SPNS3: variants seen among roughly 807,000 people sequenced by gnomAD.
The protein encoded by SPNS3 is SPNS lysolipid transporter 3, sphingosine-1-phosphate (putative), also known as protein spinster homolog 3.
In SPNS3, 51 loss-of-function variants were observed where a neutral mutation model predicts 54.4. The ratio of observed to expected loss-of-function variants is 0.94; its 90% CI spans 0.75 to 1.18. SPNS3 has a LOEUF of 1.18. Ranked by LOEUF, SPNS3 falls within the 50% of genes most tolerant of loss-of-function variation. SPNS3 has a pLI of 0.00. For missense variants in SPNS3, 669 were observed against 677.4 expected (o/e 0.99, Z 0.14); for synonymous variants, 309 against 294.7 (o/e 1.05, Z -0.50).
At chr17:4,440,590 G>C (rs538880758) in intron 2 of SPNS3, among the ~76,000 whole-genome samples, 1 of 152,236 alleles carries the variant, frequency 6.6e-6, no homozygotes, top group East Asian at 1.9e-4. Flanking sequence ...GGGAGCCTGT[G>C]GTCGGCCTGT....
chr17:4,488,043 G>A lies in SPNS3; in HGVS notation c.*149G>A. On this transcript the variant is annotated 3_prime_UTR_variant, in exon 12 of 12. Coordinates refer to ENST00000355530, the MANE Select transcript of SPNS3 (RefSeq NM_182538.5). Reference sequence around the variant, plus strand: ...CCGGCTGGAGAGCTGGCAGGACCCTGTGGCTGGGCTGGGAATGGAGCTGTC... The same window carrying A: ...CCGGCTGGAGAGCTGGCAGGACCCTATGGCTGGGCTGGGAATGGAGCTGTC... 2.9e-6 allele frequency: 2 copies of A among 696,982 alleles called. No homozygotes were observed. The highest frequency in any genetic ancestry group is 1.8e-5 in the South Asian group (1 of 55,190). 43.2% of individuals were successfully genotyped at this position (696,982 alleles called of 1,614,324 possible).
At chr17:4,450,345 C>CCT (rs1567558911) in intron 7 of SPNS3, among the ~76,000 whole-genome samples, 4 of 78,806 alleles carry the variant, frequency 5.1e-5, no homozygotes, top group African/African-American at 6.1e-5. Flanking sequence ...CTCCCTCTCC[C>CCT]TCTCCCCTCC....
At chr17:4,477,565 G>C (rs1243340845) in intron 8 of SPNS3, among the ~76,000 whole-genome samples, 3 of 152,200 alleles carry the variant, frequency 2.0e-5, no homozygotes, top group Non-Finnish European at 2.9e-5. Flanking sequence ...CTAATCCCTT[G>C]GCACGAGGTG....
At chr17:4,444,974 C>G in intron 2 of SPNS3, 58 bp from the exon 3 acceptor site, 1 of 1,558,100 alleles carries the variant, frequency 6.4e-7, no homozygotes, top group South Asian at 1.2e-5. Context: ...GCCTGCTGGG[C>G]CATCTGCCCT....
Position 4,434,084 on chromosome 17 carries a change from GC to G in SPNS3, c.122del (p.Pro41ArgfsTer17). ...PPITPTSWSL[P>X]PWRAYVAAAV... ...CCATCACGCCCACCTCCTGGAGCCTGCCCCCGTGGAGGGCCTACGTGGCTGC... is the reference window on the plus strand; with the variant it reads ...CCATCACGCCCACCTCCTGGAGCCTGCCCCGTGGAGGGCCTACGTGGCTGC... On this transcript the variant is annotated frameshift_variant, in exon 1 of 12. Transcript: ENST00000355530. LOFTEE classifies it high-confidence loss of function. 1 of 1,612,120 alleles carries G rather than the reference GC, an allele frequency of 6.2e-7. No individual in the cohort carries two copies. The highest frequency in any genetic ancestry group is 8.5e-7 in the Non-Finnish European group (1 of 1,179,210).
intron 8 of SPNS3, among the ~76,000 whole-genome samples, chr17:4,474,710 A>ATG (rs1356060646): frequency 5.3e-5 from 8 of 151,764 alleles, no homozygotes; most frequent in Admixed American, 1.3e-4. Context: ...ATGTTTGTGT[A>ATG]TGTGTGTGTG....
At chr17:4,449,494 T>C in intron 7 of SPNS3, 107 bp downstream of exon 7, 1 of 1,327,498 alleles carries the variant, frequency 7.5e-7, no homozygotes, top group Non-Finnish European at 1.0e-6. Context: ...GTGGGGCATT[T>C]GGTGCTGTGT....
At position 4,446,168 on chromosome 17, in the gene SPNS3, G is replaced by A; in HGVS notation, c.523G>A (p.Ala175Thr). The A allele has an allele frequency of 6.2e-7, 1 of 1,612,736 alleles. No individual in the cohort carries two copies. The highest frequency in any genetic ancestry group is 1.7e-5 in the Admixed American group (1 of 59,952). Residue 175 changes from alanine (A) to threonine (T), a missense_variant, in exon 4 of 12, where the codon GCT (alanine) becomes ACT (threonine). Ala to Thr is a moderately conservative substitution (Grantham distance 58). Transcript: ENST00000355530. The part of the protein sequence containing the change: ...FVRDQRTRVL[A>T]VFYIFIPVGS... The stretch of plus-strand genomic sequence containing the variant: ...GAGGGACCAGCGCACCCGCGTGCTG[G>A]CTGTCTTCTACATCTTTATCCCCGT...
At chr17:4,448,708 T>C (rs1423278143) in intron 6 of SPNS3, among the ~76,000 whole-genome samples, 7 of 152,218 alleles carry the variant, frequency 4.6e-5, no homozygotes, top group Admixed American at 4.6e-4. Context: ...GCGTGCATGA[T>C]CCTCTGTGCC....
At chr17:4,448,363 C>T in intron 6 of SPNS3, 60 bp downstream of exon 6, 1 of 1,413,230 alleles carries the variant, frequency 7.1e-7, no homozygotes, top group South Asian at 1.6e-5. Flanking sequence ...GCCCCAGCAT[C>T]ATTGACCCCC....
At chr17:4,479,188 G>A (rs1330881601) in intron 9 of SPNS3, among the ~76,000 whole-genome samples, 4 of 152,118 alleles carry the variant, frequency 2.6e-5, no homozygotes, top group East Asian at 1.9e-4. Flanking sequence ...TGATCTGCCC[G>A]CTTCGGCCTC....
At chr17:4,438,079 G>C (rs535148556) in intron 1 of SPNS3, among the ~76,000 whole-genome samples, 1 of 152,216 alleles carries the variant, frequency 6.6e-6, no homozygotes, top group African/African-American at 2.4e-5. Flanking sequence ...GAGCCACCAC[G>C]TCCCTCCCTG....
At chr17:4,450,998 G>C (rs8073322) in intron 7 of SPNS3, among the ~76,000 whole-genome samples, 19,880 of 151,930 alleles carry the variant, frequency 0.13, 1,412 homozygotes, top group Middle Eastern at 0.21. Context: ...GAAGGGCTTG[G>C]TAGCTGGGGC....
At chr17:4,465,526 A>C (rs1971654881) in intron 8 of SPNS3, among the ~76,000 whole-genome samples, 1 of 152,098 alleles carries the variant, frequency 6.6e-6, no homozygotes, top group Non-Finnish European at 1.5e-5. Context: ...TGAGGAGTTC[A>C]AGACCAGCTT....
At chr17:4,440,057 GA>G (rs1236872036) in intron 2 of SPNS3, among the ~76,000 whole-genome samples, 2 of 152,152 alleles carry the variant, frequency 1.3e-5, no homozygotes, top group Admixed American at 1.3e-4. Context: ...GCTGGGCTTT[GA>G]GAAATCCTGA....
intron 9 of SPNS3, among the ~76,000 whole-genome samples, chr17:4,479,478 T>G (rs1403343583): frequency 6.6e-6 from 1 of 152,244 alleles, no homozygotes; most frequent in Non-Finnish European, 1.5e-5. Flanking sequence ...GGCCCCTCCC[T>G]GAGCCCCATG....
rs1382386090 is a variant in SPNS3, at chr17:4,446,891, T to G, written c.555-5T>G. ...CAGCCCATCGCCCCTGCCCCTTTGT[T>G]GCAGTGGTCTGGGCTACGTGCTGGG... On this transcript the variant is annotated splice_region_variant and splice_polypyrimidine_tract_variant and intron_variant, in intron 4 of 11. Coordinates refer to ENST00000355530, the MANE Select transcript of SPNS3 (RefSeq NM_182538.5). The G allele has an allele frequency of 6.2e-7, 1 of 1,613,986 alleles. No homozygotes were observed. Among genetic ancestry groups the G allele is most frequent in the South Asian group, 1.1e-5 (1 of 91,084 alleles).
chr17:4,459,477 C>T (rs577793177), intron 8 of SPNS3, among the ~76,000 whole-genome samples: 20 of 152,152 alleles, frequency 1.3e-4, no homozygotes, highest in African/African-American at 4.6e-4. Context: ...TTTGGGAGGC[C>T]GAGGCAGGCG....
intron 8 of SPNS3, among the ~76,000 whole-genome samples, chr17:4,476,166 G>A (rs1971993487): frequency 1.3e-5 from 2 of 152,210 alleles, no homozygotes; most frequent in Non-Finnish European, 2.9e-5. Context: ...TGTAATTACA[G>A]GATTAGAAGG....
Sources: gnomAD v4.1 joint callset for allele counts (sites outside exome capture counted in the v4.1 genomes callset) on GRCh38, gnomAD v4.1.1 for gene constraint, MANE v1.5 for transcripts, NCBI Gene and HGNC (gene_info 2026-07-23, HGNC 2026-07-21) for gene names.